The following CCDC146 variants were observed in gnomAD, a reference collection of about 807,000 sequenced individuals.
CCDC146 encodes the protein coiled-coil domain-containing protein 146.
Under a neutral mutation model 119.3 loss-of-function variants are expected in CCDC146, and 92 were observed. The observed-to-expected ratio is 0.77, with a 90% confidence interval of 0.65 to 0.92. The LOEUF is 0.92. Among genes scored for constraint, CCDC146 ranks in the 40% least tolerant of loss-of-function variants. The probability of loss-of-function intolerance (pLI) is 0.00; values close to 1 mark genes in which losing one functional copy is unlikely to be tolerated. For synonymous variants in CCDC146, 372 were observed against 371.8 expected (o/e 1.00, Z -0.01); for missense variants, 1,000 against 1,103.0 (o/e 0.91, Z 1.32).
chr7:77,293,039 A>G lies in CCDC146; in HGVS notation c.2503A>G (p.Ile835Val). 6.2e-7 allele frequency: 1 copy of G among 1,614,204 alleles called. No homozygotes were observed. Among genetic ancestry groups the G allele is most frequent in the Non-Finnish European group, 8.5e-7 (1 of 1,180,022 alleles). ...GCTGTCCATGAAACAAGCCCTAACC[A>G]TTGAACTCCAAAAGGAAGTCAGGGA... Reference protein sequence around the residue: ...AELSMKQALTIELQKEVREKE... With the variant: ...AELSMKQALTVELQKEVREKE... Residue 835 changes from isoleucine (I) to valine (V), a missense_variant, in exon 18 of 19, where the codon ATT (isoleucine) becomes GTT (valine). Coordinates refer to ENST00000285871, the MANE Select transcript of CCDC146 (RefSeq NM_020879.3).
chr7:77,278,609 A>T (rs994372899), intron 11 of CCDC146, 143 bp from the exon 12 acceptor site: 2 of 597,252 alleles, frequency 3.3e-6, no homozygotes, highest in African/African-American at 1.9e-5. Flanking sequence ...CCATACCCAG[A>T]TAATTTTTTT....
chr7:77,137,998 G>A (rs1790882162), intron 1 of CCDC146, among the ~76,000 whole-genome samples: 1 of 151,658 alleles, frequency 6.6e-6, no homozygotes, highest in Admixed American at 6.6e-5. Context: ...TGGTGATACT[G>A]ACCATGCTGG....
chr7:77,262,246 T>TAG lies in CCDC146; in HGVS notation c.1112_1113insAG (p.Lys372GlyfsTer20), dbSNP rs1351214139. ...AATTTAAGAAAGATGGAACTGCTCTTGAAAGTGTCCTGGGATGCACTTAGG... is the reference window on the plus strand; with the variant it reads ...AATTTAAGAAAGATGGAACTGCTCTTAGGAAAGTGTCCTGGGATGCACTTAGG... On this transcript the variant is annotated frameshift_variant, in exon 9 of 19. Transcript: ENST00000285871. LOFTEE classifies it high-confidence loss of function. 1.2e-6 allele frequency: 2 copies of TAG among 1,613,958 alleles called. No individual in the cohort carries two copies. Among genetic ancestry groups the TAG allele is most frequent in the African/African-American group, 2.7e-5 (2 of 74,920 alleles).
At chr7:77,144,482 C>T (rs1321422619) in intron 1 of CCDC146, among the ~76,000 whole-genome samples, 1 of 151,724 alleles carries the variant, frequency 6.6e-6, no homozygotes, top group African/African-American at 2.4e-5. Flanking sequence ...AGAGGGCATC[C>T]CTGTCTTGTA....
intron 2 of CCDC146, among the ~76,000 whole-genome samples, chr7:77,234,052 C>T (rs924192081): frequency 6.6e-6 from 1 of 152,064 alleles, no homozygotes; most frequent in Non-Finnish European, 1.5e-5. Context: ...TAAATACTAT[C>T]TGTTTTTTTG....
In CCDC146 at chr7:77,280,624, C is replaced by G; in HGVS notation, c.1890C>G (p.Tyr630Ter). 6.2e-7 allele frequency: 1 copy of G among 1,613,062 alleles called. No homozygotes were observed. The highest frequency in any genetic ancestry group is 8.5e-7 in the Non-Finnish European group (1 of 1,179,554). The change falls in exon 14 of 19, where the codon TAC (tyrosine) becomes TAG (stop). Residue 630 changes from tyrosine to a stop codon, truncating the protein, a stop_gained. Transcript: ENST00000285871. LOFTEE classifies it high-confidence loss of function. ...AGATGGTGCAGCTTCGCAAAAGATA[C>G]GAAAAAGCTGTTCAGCATCGAAATG... Reference protein sequence around the residue: ...EEEMVQLRKRYEKAVQHRNES... With the variant: ...EEEMVQLRKR
intron 2 of CCDC146, among the ~76,000 whole-genome samples, chr7:77,179,708 G>C (rs542296253): frequency 1.6e-4 from 24 of 151,794 alleles, no homozygotes; most frequent in African/African-American, 5.8e-4. Context: ...GGATTTGCTC[G>C]TTCAAAAAAA....
chr7:77,242,235 A>T, intron 4 of CCDC146: 1 of 392,868 alleles, frequency 2.5e-6, no homozygotes, highest in Non-Finnish European at 4.1e-6. Flanking sequence ...CCCTCATCCC[A>T]TGACTATAGC....
chr7:77,282,025 T>G (rs1273184285), intron 14 of CCDC146, among the ~76,000 whole-genome samples: 1 of 152,208 alleles, frequency 6.6e-6, no homozygotes, highest in Non-Finnish European at 1.5e-5. Flanking sequence ...GGAGGGGTCT[T>G]TCTCCTGGCA....
chr7:77,217,550 C>CAT (rs755931636), intron 2 of CCDC146, among the ~76,000 whole-genome samples: 4,318 of 147,130 alleles, frequency 0.029, 191 homozygotes, highest in African/African-American at 0.092. Flanking sequence ...ACTATATATA[C>CAT]ATATATATAT....
chr7:77,125,955 T>A (rs1414346363), intron 1 of CCDC146, among the ~76,000 whole-genome samples: 1 of 152,150 alleles, frequency 6.6e-6, no homozygotes, highest in Admixed American at 6.5e-5. Flanking sequence ...TTCTCATCTG[T>A]ATGGCTTTTC....
chr7:77,125,695 AG>A (rs1237699870), intron 1 of CCDC146, among the ~76,000 whole-genome samples: 1 of 152,090 alleles, frequency 6.6e-6, no homozygotes, highest in Non-Finnish European at 1.5e-5. Context: ...TCAGAAGAAA[AG>A]GTAACCAAAA....
rs758029651 is a variant in CCDC146, at chr7:77,199,568, C to G, written c.156+31744C>G. On this transcript the variant is annotated intron_variant, in intron 2 of 18. Coordinates refer to ENST00000285871, the MANE Select transcript of CCDC146 (RefSeq NM_020879.3). ...TTTTGGACTTCTTTGAACACCTCCT[C>G]GATCCTGCTGAATTGCTTCGGGAGC... 22 of 1,614,152 alleles carry G rather than the reference C, an allele frequency of 1.4e-5. 1 individual carries two copies. In the South Asian group the frequency reaches 2.0e-4, roughly 14 times the overall value.
At chr7:77,164,917 T>G (rs1346103740) in intron 1 of CCDC146, among the ~76,000 whole-genome samples, 1 of 152,194 alleles carries the variant, frequency 6.6e-6, no homozygotes, top group Non-Finnish European at 1.5e-5. Context: ...TGATACATAT[T>G]CAGCAGAAGA....
intron 1 of CCDC146, among the ~76,000 whole-genome samples, chr7:77,164,044 G>A (rs1791304999): frequency 6.6e-6 from 1 of 151,556 alleles, no homozygotes; most frequent in Non-Finnish European, 1.5e-5. Context: ...TGTATTTTTA[G>A]TAGAGATGGG....
chr7:77,262,457 T>C lies in CCDC146; in HGVS notation c.1173+150T>C, dbSNP rs1401597710. The C allele has an allele frequency of 8.2e-6, 5 of 613,048 alleles. No homozygotes were observed. In the East Asian group the frequency reaches 1.4e-4, roughly 18 times the overall value. The allele number at this position is 613,048 out of a possible 1,614,324, so 38.0% of individuals were successfully genotyped here. On this transcript the variant is annotated intron_variant, in intron 9 of 18. Transcript: ENST00000285871. The stretch of plus-strand genomic sequence containing the variant: ...ATTTTCAAATGCGTCAAGCCTATTA[T>C]GAAATCTATAGTCCTATAATGTTTC...
intron 1 of CCDC146, among the ~76,000 whole-genome samples, chr7:77,148,434 C>T (rs71555965): frequency 0.18 from 26,711 of 151,990 alleles, 2,936 homozygotes; most frequent in East Asian, 0.26. Flanking sequence ...CACTGTTCAA[C>T]GAGCCCCAGT....
Position 77,274,539 on chromosome 7 carries a change from A to G in CCDC146, c.1327A>G (p.Lys443Glu), listed in dbSNP as rs780372624. The G allele has an allele frequency of 6.2e-7, 1 of 1,611,510 alleles. No individual in the cohort carries two copies. Among genetic ancestry groups the G allele is most frequent in the South Asian group, 1.1e-5 (1 of 90,608 alleles). The change falls in exon 11 of 19, where the codon AAG becomes GAG. Residue 443 changes from lysine (K) to glutamate (E), a missense_variant. Around this residue, in one of 2 missense-constraint regions of CCDC146, gnomAD observed 985 missense variants for 1,045.3 expected, o/e 0.94. Coordinates refer to ENST00000285871, the MANE Select transcript of CCDC146 (RefSeq NM_020879.3). ...AGAACAACAACTTGCAGAAGAAAAC[A>G]AGCTTTTAAAGGAGCAAGAAAACAT... is the stretch of plus-strand genomic sequence containing the variant. ...LVEQQLAEEN[K>E]LLKEQENMKE...
At chr7:77,163,882 CAG>C (rs1791302479) in intron 1 of CCDC146, among the ~76,000 whole-genome samples, 1 of 115,794 alleles carries the variant, frequency 8.6e-6, no homozygotes, top group Non-Finnish European at 1.7e-5. Flanking sequence ...TTTTTTGAGA[CAG>C]AGTCTCGCTC....
Sources: gnomAD v4.1 joint callset for allele counts (sites outside exome capture counted in the v4.1 genomes callset) on GRCh38, gnomAD v4.1.1 for gene constraint, gnomAD v4.1.1 regional missense constraint, MANE v1.5 for transcripts, NCBI Gene and HGNC (gene_info 2026-07-23, HGNC 2026-07-21) for gene names.